Variants in LGR5 observed in about 807,000 individuals in gnomAD.
LGR5 encodes leucine-rich repeat-containing G protein-coupled receptor 5.
LGR5 carries 54 observed loss-of-function variants against 76.7 expected under a neutral mutation model. The ratio of observed to expected loss-of-function variants is 0.70; its 90% CI spans 0.57 to 0.88. The LOEUF is 0.88. Among genes scored for constraint, LGR5 ranks in the 40% least tolerant of loss-of-function variants. The pLI is 0.00. For missense variants in LGR5, 1,078 were observed against 1,073.3 expected, an observed-to-expected ratio of 1.00 and a Z score of -0.06; for synonymous variants, 406 against 421.9, an observed-to-expected ratio of 0.96 and a Z score of 0.46.
intron 1 of LGR5, among the ~76,000 whole-genome samples, chr12:71,497,954 C>T (rs12810144): frequency 0.11 from 17,094 of 152,050 alleles, 1,090 homozygotes; most frequent in African/African-American, 0.16. Context: ...AACAAAGTAC[C>T]TACTTTAGTC....
rs148741479 is a variant in LGR5 at position 71,568,015 on chromosome 12, T to C, written c.1070+1103T>C. Among the ~76,000 whole-genome samples, 5 of 152,274 alleles carry C rather than the reference T, an allele frequency of 3.3e-5. No homozygotes were observed. In the East Asian group the frequency reaches 5.8e-4, roughly 18 times the overall value. On this transcript the variant is annotated intron_variant, in intron 11 of 17. Transcript: ENST00000266674. Reference sequence around the variant, plus strand: ...TGTGTGTATATCAGGTGGTAGAAATTTGGGGGGCCATGTTAGAATTCTGCC... The same window carrying C: ...TGTGTGTATATCAGGTGGTAGAAATCTGGGGGGCCATGTTAGAATTCTGCC...
In LGR5 at chr12:71,544,316, CT is replaced by C. The variant is rs5799045; in HGVS notation, c.429-8743del. 0.014 allele frequency among the ~76,000 whole-genome samples: 502 copies of C among 34,888 alleles called. 17 individuals carry two copies. In the East Asian group the frequency reaches 0.29, roughly 20 times the overall value. The allele number at this position is 34,888 out of a possible 152,430, so 22.9% of individuals were successfully genotyped here. A position where few individuals can be genotyped will look rare whatever the true frequency, so the allele number is the denominator to read the frequency against. ...TCGTCTTTTTTTTTTTCTTCTTCTT[CT>C]TTTTTTTTTTTTTGTTAACCATTTC... On this transcript the variant is annotated intron_variant, in intron 4 of 17. Coordinates refer to ENST00000266674, the MANE Select transcript of LGR5 (RefSeq NM_003667.4).
At chr12:71,446,714 G>A (rs540604465) in intron 1 of LGR5, among the ~76,000 whole-genome samples, 2 of 152,190 alleles carry the variant, frequency 1.3e-5, no homozygotes, top group Admixed American at 6.5e-5. Flanking sequence ...TTCTTTTCAG[G>A]AACACAATTT....
Position 71,585,600 on chromosome 12 carries a change from T to G in LGR5, c.*866T>G, listed in dbSNP as rs2137490301. On this transcript the variant is annotated 3_prime_UTR_variant, in exon 18 of 18. Transcript: ENST00000266674. ...TTTTTTTCTGGGTTAGTAAAGAATT[T>G]TTGCAATAAGTTTTATCAGTTGATT... 6.6e-6 allele frequency: 1 copy of G among 152,304 alleles called. No individual in the cohort carries two copies. Among genetic ancestry groups the G allele is most frequent in the East Asian group, 1.9e-4 (1 of 5,192 alleles). 9.4% of individuals were successfully genotyped at this position (152,304 alleles called of 1,614,324 possible).
intron 3 of LGR5, among the ~76,000 whole-genome samples, chr12:71,531,421 T>C (rs1876301969): frequency 6.6e-6 from 1 of 152,364 alleles, no homozygotes; most frequent in Non-Finnish European, 1.5e-5. Context: ...GCTCTTGTTT[T>C]GTCATTTGAA....
chr12:71,522,992 A>G (rs1230547637), intron 2 of LGR5, among the ~76,000 whole-genome samples: 1 of 152,196 alleles, frequency 6.6e-6, no homozygotes, highest in Non-Finnish European at 1.5e-5. Flanking sequence ...TAATTTTTTT[A>G]AGCATAATTT....
intron 1 of LGR5, among the ~76,000 whole-genome samples, chr12:71,465,941 T>C (rs976096037): frequency 4.6e-5 from 7 of 152,214 alleles, no homozygotes; most frequent in Non-Finnish European, 8.8e-5. Context: ...AGGCAGCAAC[T>C]GCACCTCTTC....
chr12:71,495,053 A>C (rs1288131794), intron 1 of LGR5, among the ~76,000 whole-genome samples: 2 of 149,372 alleles, frequency 1.3e-5, no homozygotes, highest in African/African-American at 2.6e-5. Flanking sequence ...ACCCGGTGGC[A>C]TGGCCCAAGG....
chr12:71,456,306 A>G (rs753391205), intron 1 of LGR5, among the ~76,000 whole-genome samples: 2 of 152,188 alleles, frequency 1.3e-5, no homozygotes, highest in Non-Finnish European at 2.9e-5. Flanking sequence ...TACTGGTGTG[A>G]CAAACAACAT....
intron 2 of LGR5, among the ~76,000 whole-genome samples, chr12:71,515,173 C>A (rs956931742): frequency 6.6e-6 from 1 of 152,192 alleles, no homozygotes; most frequent in East Asian, 1.9e-4. Flanking sequence ...ATTTCTAATT[C>A]TTGATATGAC....
intron 6 of LGR5, among the ~76,000 whole-genome samples, 177 bp downstream of exon 6, chr12:71,556,867 T>A (rs1302640796): frequency 6.6e-6 from 1 of 152,186 alleles, no homozygotes; most frequent in Non-Finnish European, 1.5e-5. Flanking sequence ...ACAATAAAAC[T>A]GGGATTTTAT....
chr12:71,521,891 A>C (rs1349507679), intron 2 of LGR5, among the ~76,000 whole-genome samples: 1 of 152,230 alleles, frequency 6.6e-6, no homozygotes, highest in Non-Finnish European at 1.5e-5. Flanking sequence ...TATAAAATTC[A>C]TAGTAAGACA....
chr12:71,526,053 C>T (rs1454780052), intron 3 of LGR5, among the ~76,000 whole-genome samples: 3 of 152,002 alleles, frequency 2.0e-5, no homozygotes, highest in Non-Finnish European at 4.4e-5. Context: ...TGGTATATCC[C>T]CAGCTCCTAG....
In LGR5 at chr12:71,544,218, C is replaced by A. The variant is rs192358593; in HGVS notation, c.429-8855C>A. On this transcript the variant is annotated intron_variant, in intron 4 of 17. Transcript: ENST00000266674. ...TACTGCACTTCAATGAACCTGTAGA[C>A]TTTATCTCTCCCCAACCTGGAGAGG... Among the ~76,000 whole-genome samples, 126 of 149,068 alleles carry A rather than the reference C, an allele frequency of 8.5e-4. 1 individual carries two copies. The highest frequency in any genetic ancestry group is 3.0e-3 in the African/African-American group (123 of 40,592).
intron 1 of LGR5, among the ~76,000 whole-genome samples, chr12:71,463,597 T>C (rs1177195389): frequency 6.6e-6 from 1 of 152,124 alleles, no homozygotes; most frequent in Non-Finnish European, 1.5e-5. Context: ...ATGTCAACCA[T>C]TATGATGACA....
chr12:71,580,230 T>G (rs752989822), intron 15 of LGR5, 48 bp from the exon 16 acceptor site: 1 of 1,527,606 alleles, frequency 6.5e-7, no homozygotes, highest in South Asian at 1.2e-5. Context: ...CTATATTTAA[T>G]TATCCGTTTC....
At position 71,541,016 on chromosome 12, in the gene LGR5, G is replaced by A. The variant is rs371262923; in HGVS notation, c.428+5830G>A. 2.6e-5 allele frequency among the ~76,000 whole-genome samples: 4 copies of A among 152,148 alleles called. No individual in the cohort carries two copies. The East Asian group carries it at 7.7e-4, about 29-fold the overall frequency. On this transcript the variant is annotated intron_variant, in intron 4 of 17. Coordinates refer to ENST00000266674, the MANE Select transcript of LGR5 (RefSeq NM_003667.4). ...AGTGCCAGGGTATTAGGTACGTATT[G>A]GGATGGAGGTGAACTTAGAAGTTCT...
Position 71,584,173 on chromosome 12 carries a change from C to A in LGR5, c.2163C>A (p.Ser721Arg). The change falls in exon 18 of 18, where the codon AGC becomes AGA. Residue 721 changes from serine to arginine, a missense_variant. Coordinates refer to ENST00000266674, the MANE Select transcript of LGR5 (RefSeq NM_003667.4). Reference protein sequence around the residue: ...LCLPLPFGEPSTMGYMVALIL... With the variant: ...LCLPLPFGEPRTMGYMVALIL... ...TGCCTTTGCCTTTTGGGGAGCCCAGCACCATGGGCTACATGGTCGCTCTCA... is the reference window on the plus strand; with the variant it reads ...TGCCTTTGCCTTTTGGGGAGCCCAGAACCATGGGCTACATGGTCGCTCTCA... 6.2e-7 allele frequency: 1 copy of A among 1,614,104 alleles called. No homozygotes were observed.
At chr12:71,503,763 C>A (rs1232825671) in intron 1 of LGR5, among the ~76,000 whole-genome samples, 1 of 152,158 alleles carries the variant, frequency 6.6e-6, no homozygotes, top group Non-Finnish European at 1.5e-5. Context: ...CTTCAGCTGA[C>A]TACATAAAAT....
Sources: gnomAD v4.1 joint callset for allele counts (sites outside exome capture counted in the v4.1 genomes callset) on GRCh38, gnomAD v4.1.1 for gene constraint, MANE v1.5 for transcripts, NCBI Gene and HGNC (gene_info 2026-07-23, HGNC 2026-07-21) for gene names.